EYA2: variants seen among roughly 807,000 people sequenced by gnomAD.
The protein encoded by EYA2 is EYA transcriptional coactivator and phosphatase 2, also known as protein phosphatase EYA2.
EYA2 carries 31 observed loss-of-function variants against 69.2 expected under a neutral mutation model. The observed-to-expected ratio is 0.45, with a 90% CI of 0.34 to 0.60. The LOEUF is 0.60. Among genes scored for constraint, EYA2 ranks in the 20% least tolerant of loss-of-function variants. The probability of loss-of-function intolerance (pLI) is 0.02; values close to 1 mark genes in which losing one functional copy is unlikely to be tolerated. For missense variants in EYA2, 622 were observed against 701.2 expected (o/e 0.89, Z 1.28); for synonymous variants, 257 against 279.4 (o/e 0.92, Z 0.80).
intron 1 of EYA2, among the ~76,000 whole-genome samples, chr20:46,977,245 G>T (rs898842390): frequency 6.6e-6 from 1 of 152,238 alleles, no homozygotes; most frequent in Non-Finnish European, 1.5e-5. Context: ...GTGCCCCAAT[G>T]TGGCTGTAAT....
rs141948823 is a variant in EYA2 at position 46,922,425 on chromosome 20, A to G, written c.-11+27438A>G. 2.0e-5 allele frequency among the ~76,000 whole-genome samples: 3 copies of G among 152,342 alleles called. No homozygotes were observed. In the East Asian group the frequency reaches 5.8e-4, roughly 29 times the overall value. Reference sequence around the variant, plus strand: ...TGTGTATACTCTACTGTACATTCCAAAATGTTTTACTAGGGGCACCGATTG... The same window carrying G: ...TGTGTATACTCTACTGTACATTCCAGAATGTTTTACTAGGGGCACCGATTG... On this transcript the variant is annotated intron_variant, in intron 1 of 15. Transcript: ENST00000327619.
At chr20:46,908,197 A>C (rs1476996760) in intron 1 of EYA2, among the ~76,000 whole-genome samples, 1 of 152,234 alleles carries the variant, frequency 6.6e-6, no homozygotes, top group East Asian at 1.9e-4. Context: ...AAATGACCAA[A>C]GTCTCCTTCC....
chr20:46,896,989 A>T (rs1229834528), intron 1 of EYA2, among the ~76,000 whole-genome samples: 2 of 150,322 alleles, frequency 1.3e-5, no homozygotes, highest in Non-Finnish European at 3.0e-5. Context: ...AAATAAAAAG[A>T]TGTGTATCTC....
At chr20:47,068,283 G>A (rs1163763883) in intron 5 of EYA2, among the ~76,000 whole-genome samples, 1 of 152,206 alleles carries the variant, frequency 6.6e-6, no homozygotes, top group Non-Finnish European at 1.5e-5. Flanking sequence ...ATGAATTAAT[G>A]AACTAATTAA....
At chr20:47,104,037 G>A (rs1488048685) in intron 9 of EYA2, among the ~76,000 whole-genome samples, 1 of 152,170 alleles carries the variant, frequency 6.6e-6, no homozygotes, top group African/African-American at 2.4e-5. Context: ...CAAAGTGACT[G>A]TATCATTTTA....
intron 9 of EYA2, among the ~76,000 whole-genome samples, chr20:47,118,643 T>C (rs1476417898): frequency 6.6e-6 from 1 of 152,204 alleles, no homozygotes; most frequent in Non-Finnish European, 1.5e-5. Flanking sequence ...ACATAAAATA[T>C]ATTTTAAAGA....
Position 47,089,203 on chromosome 20 carries a change from C to T in EYA2, c.662-36C>T. On this transcript the variant is annotated intron_variant, in intron 7 of 15. Transcript: ENST00000327619. ...TCCCAGGAGGAGACACCCAGCAAAG[C>T]TTCTGATTTGTCCACCATTCCCTTT... is the stretch of plus-strand genomic sequence containing the variant. 1.9e-6 allele frequency: 3 copies of T among 1,608,030 alleles called. 1 individual carries two copies. Among genetic ancestry groups the T allele is most frequent in the Non-Finnish European group, 2.6e-6 (3 of 1,175,924 alleles).
chr20:47,126,563 G>A (rs1386310993), intron 9 of EYA2, among the ~76,000 whole-genome samples: 1 of 152,192 alleles, frequency 6.6e-6, no homozygotes, highest in Non-Finnish European at 1.5e-5. Context: ...CAGCTGGCGG[G>A]GAGAGACTTA....
At chr20:47,016,386 T>C in intron 5 of EYA2, 89 bp downstream of exon 5, 1 of 974,334 alleles carries the variant, frequency 1.0e-6, no homozygotes, top group Non-Finnish European at 1.7e-6. Context: ...GCAGATTTTT[T>C]GAGCACCTAC....
chr20:47,007,857 A>T (rs1037770007), intron 4 of EYA2, among the ~76,000 whole-genome samples: 4 of 151,602 alleles, frequency 2.6e-5, no homozygotes, highest in Non-Finnish European at 4.4e-5. Context: ...TGAACTTCTT[A>T]CCTCAAGCAA....
chr20:47,034,835 C>G (rs1168332017), intron 5 of EYA2, among the ~76,000 whole-genome samples: 2 of 152,192 alleles, frequency 1.3e-5, no homozygotes, highest in African/African-American at 2.4e-5. Context: ...TCCCATGCCT[C>G]TCTCCTGGCT....
At chr20:46,984,236 G>C (rs1981027843) in intron 1 of EYA2, among the ~76,000 whole-genome samples, 1 of 151,912 alleles carries the variant, frequency 6.6e-6, no homozygotes, top group Admixed American at 6.6e-5. Context: ...GAAATTATTA[G>C]GTAAATATGT....
chr20:47,046,757 T>TGTAAAATATGCCATG (rs144252671), intron 5 of EYA2, among the ~76,000 whole-genome samples: 5,535 of 152,256 alleles, frequency 0.036, 349 homozygotes, highest in African/African-American at 0.13. Flanking sequence ...GGTTTGACAC[T>TGTAAAATATGCCATG]GTAAAATATG....
At chr20:46,945,929 G>A (rs565100205) in intron 1 of EYA2, among the ~76,000 whole-genome samples, 30 of 152,316 alleles carry the variant, frequency 2.0e-4, no homozygotes, top group African/African-American at 7.2e-4. Flanking sequence ...ACACTGAGCT[G>A]TCTCACGCTG....
At chr20:47,069,784 G>A (rs1018080693) in intron 5 of EYA2, among the ~76,000 whole-genome samples, 1 of 151,934 alleles carries the variant, frequency 6.6e-6, no homozygotes, top group African/African-American at 2.4e-5. Flanking sequence ...TGGGAGAAAG[G>A]ATAGACTTTT....
At chr20:47,019,189 C>G (rs1032374371) in intron 5 of EYA2, among the ~76,000 whole-genome samples, 1 of 152,300 alleles carries the variant, frequency 6.6e-6, no homozygotes, top group South Asian at 2.1e-4. Context: ...GGGCCCCACC[C>G]CCCACCTCAA....
chr20:47,120,221 A>C (rs1438336379), intron 9 of EYA2, among the ~76,000 whole-genome samples: 4 of 151,570 alleles, frequency 2.6e-5, no homozygotes, highest in South Asian at 2.1e-4. Context: ...AAAAAAATTA[A>C]ATAAAATAGC....
rs780109158 is a variant in EYA2, at chr20:47,143,078, G to T, written c.908G>T (p.Arg303Leu). The T allele has an allele frequency of 8.7e-6, 14 of 1,613,726 alleles. No homozygotes were observed. Among genetic ancestry groups the T allele is most frequent in the South Asian group, 2.2e-5 (2 of 91,008 alleles). ...TCGCAGGACACCACGACGTCCGTGC[G>T]CATTGGCCTTATGATGGAAGAGATG... ...RYGKDTTTSV[R>L]IGLMMEEMIF... The change falls in exon 10 of 16, where the codon CGC (arginine) becomes CTC (leucine). Residue 303 changes from arginine to leucine, a missense_variant. Physicochemically the swap from Arg to Leu is moderately radical, Grantham distance 102. Transcript: ENST00000327619.
At chr20:46,921,690 G>A (rs1985186112) in intron 1 of EYA2, among the ~76,000 whole-genome samples, 1 of 152,162 alleles carries the variant, frequency 6.6e-6, no homozygotes, top group Admixed American at 6.5e-5. Context: ...TCTTGCTTAG[G>A]GGAAGCCTGC....
Sources: gnomAD v4.1 joint callset for allele counts (sites outside exome capture counted in the v4.1 genomes callset) on GRCh38, gnomAD v4.1.1 for gene constraint, MANE v1.5 for transcripts, NCBI Gene and HGNC (gene_info 2026-07-23, HGNC 2026-07-21) for gene names.